Variants in AGBL4 observed in about 807,000 individuals in gnomAD.
The protein encoded by AGBL4 is cytosolic carboxypeptidase 6.
In AGBL4, 58 loss-of-function variants were observed where a neutral mutation model predicts 66.4. The observed-to-expected ratio is 0.87, with a 90% CI of 0.71 to 1.09. The LOEUF (loss-of-function observed/expected upper bound fraction) is 1.09, where lower values mean the gene tolerates loss of function less well. AGBL4 is among the 50% of genes least tolerant of loss of function. The pLI, the probability that AGBL4 is intolerant of heterozygous loss-of-function variation, is 0.00. For synonymous variants in AGBL4, 234 were observed against 222.9 expected, an observed-to-expected ratio of 1.05 and a Z score of -0.44; for missense variants, 579 against 631.0, an observed-to-expected ratio of 0.92 and a Z score of 0.88.
intron 5 of AGBL4, among the ~76,000 whole-genome samples, chr1:48,886,913 C>T (rs1053406179): frequency 4.6e-5 from 7 of 152,110 alleles, no homozygotes; most frequent in Admixed American, 3.9e-4. Flanking sequence ...TCCCTGATTC[C>T]CAAGACATTC....
At chr1:48,891,406 C>CT (rs1303243344) in intron 5 of AGBL4, among the ~76,000 whole-genome samples, 1 of 152,134 alleles carries the variant, frequency 6.6e-6, no homozygotes, top group African/African-American at 2.4e-5. Context: ...CTTCCAAAAA[C>CT]TTTCACTAAG....
intron 5 of AGBL4, among the ~76,000 whole-genome samples, chr1:48,933,233 T>A (rs1174173642): frequency 2.0e-5 from 3 of 152,228 alleles, no homozygotes; most frequent in African/African-American, 7.2e-5. Flanking sequence ...TATATACACA[T>A]ATATATGGTA....
intron 2 of AGBL4, among the ~76,000 whole-genome samples, chr1:49,848,637 T>C (rs1044862921): frequency 2.0e-5 from 3 of 152,132 alleles, no homozygotes; most frequent in African/African-American, 7.2e-5. Flanking sequence ...CGTGGAATAA[T>C]AGCCCCTTGA....
At chr1:49,880,823 G>A (rs1215584821) in intron 1 of AGBL4, among the ~76,000 whole-genome samples, 11 of 151,834 alleles carry the variant, frequency 7.2e-5, no homozygotes, top group African/African-American at 9.7e-5. Flanking sequence ...TTCCGTGGGC[G>A]TAGGGCCCTC....
chr1:49,143,182 A>T (rs982425318), intron 4 of AGBL4, among the ~76,000 whole-genome samples: 3 of 152,122 alleles, frequency 2.0e-5, no homozygotes, highest in Non-Finnish European at 4.4e-5. Flanking sequence ...CCTATTCATT[A>T]ATTTAAGGAG....
intron 3 of AGBL4, among the ~76,000 whole-genome samples, chr1:49,329,397 G>A (rs137895576): frequency 2.0e-5 from 3 of 152,232 alleles, no homozygotes; most frequent in African/African-American, 7.2e-5. Context: ...CGGGCGCGGT[G>A]GTTCATGCCC....
At position 48,954,052 on chromosome 1, in the gene AGBL4, G is replaced by A. The variant is rs1380588931; in HGVS notation, c.595-86822C>T. Among the ~76,000 whole-genome samples the A allele has an allele frequency of 2.0e-5, 3 of 152,186 alleles. No individual in the cohort carries two copies. In the East Asian group the frequency reaches 5.8e-4, roughly 29 times the overall value. Reference sequence around the variant, plus strand: ...CTTAGGGGGCTTCAGACATAGTAGTGCCTGCTAGGCCACACCCTTCCTTCT... The same window carrying A: ...CTTAGGGGGCTTCAGACATAGTAGTACCTGCTAGGCCACACCCTTCCTTCT... On this transcript the variant is annotated intron_variant, in intron 5 of 13. Transcript: ENST00000371839.
At chr1:49,841,896 T>C (rs1571691982) in intron 2 of AGBL4, 1 of 629,152 alleles carries the variant, frequency 1.6e-6, no homozygotes. Context: ...GCATGACCCC[T>C]GGGCTGCCTG....
At chr1:49,307,642 C>T (rs2148455168) in intron 3 of AGBL4, among the ~76,000 whole-genome samples, 1 of 152,198 alleles carries the variant, frequency 6.6e-6, no homozygotes, top group East Asian at 1.9e-4. Context: ...CCTAACAATG[C>T]CCTAGGCTTT....
chr1:48,579,023 A>G (rs1182173544), intron 11 of AGBL4, among the ~76,000 whole-genome samples: 2 of 152,036 alleles, frequency 1.3e-5, no homozygotes, highest in African/African-American at 4.8e-5. Context: ...TGTTGAGTCT[A>G]TCCAAAGCCC....
intron 5 of AGBL4, among the ~76,000 whole-genome samples, chr1:48,869,287 G>T (rs1276410494): frequency 1.3e-5 from 2 of 152,174 alleles, no homozygotes; most frequent in Non-Finnish European, 2.9e-5. Flanking sequence ...CCACGCATGT[G>T]GGCTAGAAGG....
At chr1:49,896,608 A>AACACAC (rs58132063) in intron 1 of AGBL4, among the ~76,000 whole-genome samples, 82 of 133,802 alleles carry the variant, frequency 6.1e-4, no homozygotes, top group East Asian at 5.0e-3. Context: ...GACCCATGAA[A>AACACAC]ACACACACAC....
chr1:49,206,117 A>G (rs1025819152), intron 4 of AGBL4, among the ~76,000 whole-genome samples: 4 of 152,182 alleles, frequency 2.6e-5, no homozygotes, highest in Non-Finnish European at 5.9e-5. Context: ...AAATCACTTC[A>G]GTACCTCAGT....
chr1:49,774,727 G>T (rs1644152963), intron 2 of AGBL4, among the ~76,000 whole-genome samples: 4 of 152,110 alleles, frequency 2.6e-5, no homozygotes, highest in Admixed American at 2.0e-4. Flanking sequence ...GATTACAAGT[G>T]AAGACAGGTT....
At chr1:49,853,061 T>A (rs925842964) in intron 1 of AGBL4, among the ~76,000 whole-genome samples, 1 of 152,184 alleles carries the variant, frequency 6.6e-6, no homozygotes, top group Non-Finnish European at 1.5e-5. Context: ...AACAGTAGTA[T>A]TCTCTACTCT....
chr1:48,862,670 G>A (rs1347187421), intron 6 of AGBL4, among the ~76,000 whole-genome samples: 2 of 152,138 alleles, frequency 1.3e-5, no homozygotes, highest in African/African-American at 2.4e-5. Context: ...ACTGGACTCT[G>A]CAAATGGCAA....
At chr1:48,876,462 C>G (rs867092839) in intron 5 of AGBL4, among the ~76,000 whole-genome samples, 1 of 152,120 alleles carries the variant, frequency 6.6e-6, no homozygotes, top group African/African-American at 2.4e-5. Context: ...AGATTACATG[C>G]TAGGGCAGTA....
At chr1:48,526,566 C>T in the AGBL4 span, among the ~76,000 whole-genome samples, 1 of 152,114 alleles carries the variant, frequency 6.6e-6, no homozygotes, top group Non-Finnish European at 1.5e-5. Flanking sequence ...GCAGCAATAT[C>T]CACAGTAGTA....
chr1:49,938,172 C>T (rs560707339), intron 1 of AGBL4, among the ~76,000 whole-genome samples: 10 of 151,570 alleles, frequency 6.6e-5, no homozygotes, highest in African/African-American at 2.2e-4. Flanking sequence ...ATATCACCAC[C>T]AATCCCACAG....
Sources: allele counts gnomAD v4.1 joint callset (sites outside exome capture counted in the v4.1 genomes callset), GRCh38; gene constraint gnomAD v4.1.1; transcripts MANE v1.5; gene names NCBI Gene and HGNC (gene_info 2026-07-23, HGNC 2026-07-21).